The following VWA2 variants were observed in gnomAD, a reference collection of about 807,000 sequenced individuals.
VWA2 encodes von Willebrand factor A domain containing 2.
In VWA2, 73 loss-of-function variants were observed where a neutral mutation model predicts 70.4. The ratio of observed to expected loss-of-function variants is 1.04; its 90% CI spans 0.86 to 1.26. The LOEUF (loss-of-function observed/expected upper bound fraction) is 1.26, where lower values mean the gene tolerates loss of function less well. VWA2 is among the 50% of genes most tolerant of loss of function. The pLI is 0.00. For synonymous variants in VWA2, 407 were observed against 423.3 expected (o/e 0.96, Z 0.47); for missense variants, 1,011 against 998.5 (o/e 1.01, Z -0.17).
intron 7 of VWA2, among the ~76,000 whole-genome samples, chr10:114,278,360 G>A (rs1453615695): frequency 6.6e-6 from 1 of 152,164 alleles, no homozygotes; most frequent in Non-Finnish European, 1.5e-5. Context: ...CCACACAGAG[G>A]AGCACAAGGA....
intron 11 of VWA2, among the ~76,000 whole-genome samples, chr10:114,288,618 G>A (rs1432469079): frequency 1.3e-5 from 2 of 152,236 alleles, no homozygotes; most frequent in Admixed American, 6.5e-5. Flanking sequence ...AGCAGGAAGG[G>A]GGAGAGGGGA....
chr10:114,278,350 CCA>C (rs1393243771), intron 7 of VWA2, among the ~76,000 whole-genome samples: 1 of 152,174 alleles, frequency 6.6e-6, no homozygotes, highest in Non-Finnish European at 1.5e-5. Flanking sequence ...CTGCCTTGGA[CCA>C]CACAGAGGAG....
At chr10:114,285,552 G>A (rs1042342637) in intron 10 of VWA2, among the ~76,000 whole-genome samples, 6 of 152,248 alleles carry the variant, frequency 3.9e-5, no homozygotes, top group African/African-American at 9.6e-5. Flanking sequence ...CCTACCAGAA[G>A]TCAATTCTAG....
At chr10:114,240,413 G>T (rs188146657) in intron 1 of VWA2, among the ~76,000 whole-genome samples, 137 of 152,348 alleles carry the variant, frequency 9.0e-4, no homozygotes, top group Middle Eastern at 3.4e-3. Flanking sequence ...TGCTGCTTGT[G>T]ATTGTGGAAT....
chr10:114,277,480 C>G (rs7075077), intron 6 of VWA2, among the ~76,000 whole-genome samples: 38,015 of 152,042 alleles, frequency 0.25, 5,110 homozygotes, highest in African/African-American at 0.33. Context: ...CCACACCCCC[C>G]CTCCGACTGT....
chr10:114,277,357 T>A (rs145636723), intron 6 of VWA2, among the ~76,000 whole-genome samples: 2,902 of 151,836 alleles, frequency 0.019, 111 homozygotes, highest in African/African-American at 0.067. Flanking sequence ...CTAATTTTTG[T>A]ATTTTTAGTA....
intron 5 of VWA2, among the ~76,000 whole-genome samples, chr10:114,262,349 T>C (rs2133331632): frequency 6.6e-6 from 1 of 151,086 alleles, no homozygotes; most frequent in South Asian, 2.1e-4. Context: ...GATATGTAAA[T>C]ATATGCATAT....
intron 2 of VWA2, among the ~76,000 whole-genome samples, chr10:114,250,747 T>C (rs1312464975): frequency 1.3e-5 from 2 of 152,176 alleles, no homozygotes; most frequent in Non-Finnish European, 2.9e-5. Context: ...ACACAGCAGC[T>C]TCATGGCCAA....
chr10:114,256,458 C>G (rs1314252429), intron 4 of VWA2, among the ~76,000 whole-genome samples: 1 of 151,908 alleles, frequency 6.6e-6, no homozygotes, highest in African/African-American at 2.4e-5. Context: ...TCTGTATACA[C>G]TCTGGATGGA....
intron 1 of VWA2, among the ~76,000 whole-genome samples, chr10:114,245,542 C>T (rs114536607): frequency 2.0e-3 from 309 of 152,220 alleles, no homozygotes; most frequent in African/African-American, 6.9e-3. Context: ...CTCAATGCCT[C>T]GCCATTGCCT....
At position 114,285,824 on chromosome 10, in the gene VWA2, G is replaced by T. The variant is rs1178154588; in HGVS notation, c.998-115G>T. Reference sequence around the variant, plus strand: ...AGCACGGGTCACTTAAGCTTGGGGGGCCCACAGTTTCTCTGCACCATCTCC... The same window carrying T: ...AGCACGGGTCACTTAAGCTTGGGGGTCCCACAGTTTCTCTGCACCATCTCC... On this transcript the variant is annotated intron_variant, in intron 10 of 13. Coordinates refer to ENST00000392982, the MANE Select transcript of VWA2 (RefSeq NM_001272046.2). 3.4e-6 allele frequency: 4 copies of T among 1,162,132 alleles called. No homozygotes were observed. The South Asian group carries it at 4.9e-5, about 14-fold the overall frequency. The allele number at this position is 1,162,132 out of a possible 1,614,324, so 72.0% of individuals were successfully genotyped here.
intron 5 of VWA2, among the ~76,000 whole-genome samples, chr10:114,269,191 T>C (rs2037649364): frequency 6.6e-6 from 1 of 152,212 alleles, no homozygotes; most frequent in Admixed American, 6.5e-5. Flanking sequence ...CCGTCAGGCC[T>C]GTGCAGTGGG....
At chr10:114,240,822 C>T (rs1478753780) in intron 1 of VWA2, among the ~76,000 whole-genome samples, 1 of 152,168 alleles carries the variant, frequency 6.6e-6, no homozygotes, top group East Asian at 1.9e-4. Flanking sequence ...CAGCCCAGAG[C>T]CATCTCCTAG....
At chr10:114,256,004 A>G (rs917469213) in intron 4 of VWA2, among the ~76,000 whole-genome samples, 9 of 152,328 alleles carry the variant, frequency 5.9e-5, no homozygotes, top group African/African-American at 1.7e-4. Context: ...GTTGTCATAC[A>G]CTGCTGGTGG....
intron 6 of VWA2, among the ~76,000 whole-genome samples, chr10:114,277,584 C>G (rs1276450224): frequency 1.3e-5 from 2 of 152,240 alleles, no homozygotes; most frequent in Admixed American, 1.3e-4. Context: ...CTGGCACAAA[C>G]AGCGCTGCCC....
intron 2 of VWA2, among the ~76,000 whole-genome samples, chr10:114,250,605 C>A (rs932112339): frequency 2.6e-5 from 4 of 152,214 alleles, no homozygotes; most frequent in Non-Finnish European, 5.9e-5. Context: ...ACTGTTAATA[C>A]CTGCCTGTTT....
At chr10:114,256,356 G>A (rs1022630258) in intron 4 of VWA2, among the ~76,000 whole-genome samples, 3 of 152,214 alleles carry the variant, frequency 2.0e-5, no homozygotes, top group African/African-American at 4.8e-5. Flanking sequence ...TGCAAATGGT[G>A]TGTATAATAT....
chr10:114,254,780 C>T, intron 3 of VWA2, 135 bp from the exon 4 acceptor site: 1 of 1,206,178 alleles, frequency 8.3e-7, no homozygotes, highest in South Asian at 1.4e-5. Context: ...AGGAGGGCTG[C>T]TTCTGCAGTT....
chr10:114,262,179 C>T (rs985672790), intron 5 of VWA2, among the ~76,000 whole-genome samples: 6 of 152,008 alleles, frequency 3.9e-5, no homozygotes, highest in African/African-American at 1.4e-4. Context: ...CAAACAATAT[C>T]GCCCTCTAAA....
Sources: gnomAD v4.1 joint callset for allele counts (sites outside exome capture counted in the v4.1 genomes callset) on GRCh38, gnomAD v4.1.1 for gene constraint, MANE v1.5 for transcripts, NCBI Gene and HGNC (gene_info 2026-07-23, HGNC 2026-07-21) for gene names.